The following NCBP3 variants were observed in gnomAD, a reference collection of about 807,000 sequenced individuals.
The protein encoded by NCBP3 is nuclear cap-binding protein subunit 3.
NCBP3 carries 20 observed loss-of-function variants against 75.7 expected under a neutral mutation model. The ratio of observed to expected loss-of-function variants is 0.26; its 90% CI spans 0.19 to 0.38. The LOEUF (loss-of-function observed/expected upper bound fraction) is 0.38, where lower values mean the gene tolerates loss of function less well. Among genes scored for constraint, NCBP3 ranks in the 10% least tolerant of loss-of-function variants. NCBP3 has a pLI of 1.00. For synonymous variants in NCBP3, 293 were observed against 290.5 expected, an observed-to-expected ratio of 1.01 and a Z score of -0.09; for missense variants, 678 against 796.9, an observed-to-expected ratio of 0.85 and a Z score of 1.80.
intron 7 of NCBP3, chr17:3,824,373 T>A (rs537034968): frequency 1.3e-5 from 2 of 150,354 alleles, no homozygotes; most frequent in East Asian, 1.9e-4. Context: ...CACATACACA[T>A]ACACACACAT....
intron 3 of NCBP3, 90 bp downstream of exon 3, chr17:3,840,010 C>T (rs576970443): frequency 1.2e-4 from 115 of 996,094 alleles, no homozygotes; most frequent in Middle Eastern, 2.1e-4. Context: ...GGAGTGGACA[C>T]GCAAGGCAAG....
chr17:3,814,312 T>C lies in NCBP3; in HGVS notation c.1627+10A>G. On this transcript the variant is annotated intron_variant, in intron 12 of 12. Coordinates refer to ENST00000389005, the MANE Select transcript of NCBP3 (RefSeq NM_001114118.3). ...AATCCCCATTCCCATCCGTTTTAAG[T>C]GTTACCAACCTGATTTCTTCTCCCG... The C allele has an allele frequency of 5.6e-6, 9 of 1,613,796 alleles. No individual in the cohort carries two copies. Among genetic ancestry groups the C allele is most frequent in the Non-Finnish European group, 7.6e-6 (9 of 1,179,872 alleles).
intron 7 of NCBP3, 171 bp from the exon 8 acceptor site, chr17:3,822,223 T>C (rs1273689482): frequency 3.5e-6 from 2 of 564,738 alleles, no homozygotes; most frequent in African/African-American, 1.9e-5. Flanking sequence ...AGCAATGCAG[T>C]GTAGAGGGGA....
chr17:3,832,411 A>G (rs1262319077), intron 3 of NCBP3, among the ~76,000 whole-genome samples: 1 of 119,158 alleles, frequency 8.4e-6, no homozygotes, highest in African/African-American at 2.6e-5. Context: ...GGGCGGGCAG[A>G]TCACAAGGTC....
chr17:3,816,527 C>T (rs963822547), intron 10 of NCBP3, among the ~76,000 whole-genome samples: 3 of 152,258 alleles, frequency 2.0e-5, no homozygotes, highest in Non-Finnish European at 1.5e-5. Context: ...CAGCATACAA[C>T]TACAAGTCCC....
Position 3,843,146 on chromosome 17 carries a change from C to A in NCBP3, c.189G>T (p.Thr63=). 1.3e-6 allele frequency: 2 copies of A among 1,551,402 alleles called. No homozygotes were observed. ...RRSLKELIPD[T]SRRYENKAGS... is the part of the protein sequence containing the mutation. The stretch of plus-strand genomic sequence containing the variant: ...CAGCCTTGTTTTCATATCTTCTGCT[C>A]GTGTCCTAACACAAAGGGGAAGGGT... The change falls in exon 2 of 13, where the codon ACG becomes ACT. Residue 63 remains threonine (T), a synonymous_variant. Transcript: ENST00000389005.
Position 3,810,874 on chromosome 17 carries a change from A to G in NCBP3, c.*2170T>C, listed in dbSNP as rs2053399474. The G allele has an allele frequency of 6.6e-6, 1 of 152,316 alleles. No homozygotes were observed. Among genetic ancestry groups the G allele is most frequent in the African/African-American group, 2.4e-5 (1 of 41,438 alleles). The allele number at this position is 152,316 out of a possible 1,614,324, so 9.4% of individuals were successfully genotyped here. A position where few individuals can be genotyped will look rare whatever the true frequency, so the allele number is the denominator to read the frequency against. On this transcript the variant is annotated 3_prime_UTR_variant, in exon 13 of 13. Coordinates refer to ENST00000389005, the MANE Select transcript of NCBP3 (RefSeq NM_001114118.3). ...ACTGCTGAGTGCTGAAAGGCCGTGG[A>G]ACAAATGGACCTGAGCTGCTGGTGT...
chr17:3,810,858 T>C lies in NCBP3; in HGVS notation c.*2186A>G, dbSNP rs542560245. 1 of 152,404 alleles carries C rather than the reference T, an allele frequency of 6.6e-6. No individual in the cohort carries two copies. Among genetic ancestry groups the C allele is most frequent in the Admixed American group, 6.5e-5 (1 of 15,298 alleles). The allele number at this position is 152,404 out of a possible 1,614,324, so 9.4% of individuals were successfully genotyped here. A position where few individuals can be genotyped will look rare whatever the true frequency, so the allele number is the denominator to read the frequency against. Reference sequence around the variant, plus strand: ...TGATCTGTAGCAGGAGACTGCTGAGTGCTGAAAGGCCGTGGAACAAATGGA... The same window carrying C: ...TGATCTGTAGCAGGAGACTGCTGAGCGCTGAAAGGCCGTGGAACAAATGGA... On this transcript the variant is annotated 3_prime_UTR_variant, in exon 13 of 13. Coordinates refer to ENST00000389005, the MANE Select transcript of NCBP3 (RefSeq NM_001114118.3).
chr17:3,807,062 C>G lies in NCBP3; in HGVS notation c.*5982G>C, dbSNP rs562702047. ...TCTAAAGCGTGTGTTAGCATCTCAC[C>G]GTAACTTAATGCTTCGAGTGAGAAG... On this transcript the variant is annotated 3_prime_UTR_variant, in exon 13 of 13. Coordinates refer to ENST00000389005, the MANE Select transcript of NCBP3 (RefSeq NM_001114118.3). The G allele has an allele frequency of 6.6e-6, 1 of 152,146 alleles. No homozygotes were observed. Among genetic ancestry groups the G allele is most frequent in the African/African-American group, 2.4e-5 (1 of 41,432 alleles). 9.4% of individuals were successfully genotyped at this position (152,146 alleles called of 1,614,324 possible). A position where few individuals can be genotyped will look rare whatever the true frequency, so the allele number is the denominator to read the frequency against.
At chr17:3,841,369 T>C (rs1199734866) in intron 2 of NCBP3, among the ~76,000 whole-genome samples, 2 of 152,206 alleles carry the variant, frequency 1.3e-5, no homozygotes, top group Non-Finnish European at 2.9e-5. Flanking sequence ...ACTTCTGTTC[T>C]TTCCCAATAG....
At chr17:3,834,974 G>C (rs1192355365) in intron 3 of NCBP3, among the ~76,000 whole-genome samples, 1 of 152,144 alleles carries the variant, frequency 6.6e-6, no homozygotes, top group Non-Finnish European at 1.5e-5. Flanking sequence ...GACAGTAAAA[G>C]GAACTGTGGG....
intron 11 of NCBP3, among the ~76,000 whole-genome samples, chr17:3,815,474 T>A (rs150239606): frequency 6.6e-6 from 1 of 152,212 alleles, no homozygotes; most frequent in Non-Finnish European, 1.5e-5. Context: ...TGTTTGAACA[T>A]AGAAATTATC....
rs2053399425 is a variant in NCBP3, at chr17:3,810,873, G to A, written c.*2171C>T. ...GACTGCTGAGTGCTGAAAGGCCGTG[G>A]AACAAATGGACCTGAGCTGCTGGTG... On this transcript the variant is annotated 3_prime_UTR_variant, in exon 13 of 13. Coordinates refer to ENST00000389005, the MANE Select transcript of NCBP3 (RefSeq NM_001114118.3). The A allele has an allele frequency of 6.6e-6, 1 of 152,312 alleles. No homozygotes were observed. Among genetic ancestry groups the A allele is most frequent in the African/African-American group, 2.4e-5 (1 of 41,438 alleles). 9.4% of individuals were successfully genotyped at this position (152,312 alleles called of 1,614,324 possible).
At chr17:3,842,338 T>A (rs913088988) in intron 2 of NCBP3, among the ~76,000 whole-genome samples, 9 of 152,064 alleles carry the variant, frequency 5.9e-5, no homozygotes, top group Admixed American at 2.0e-4. Flanking sequence ...GGCAGAAGAA[T>A]CGCTGGAACC....
rs1475193645 is a variant in NCBP3, at chr17:3,813,384, G to C, written c.1628-105C>G. 2.0e-5 allele frequency: 27 copies of C among 1,376,630 alleles called. No individual in the cohort carries two copies. In the East Asian group the frequency reaches 6.0e-4, roughly 30 times the overall value. The allele number at this position is 1,376,630 out of a possible 1,614,324, so 85.3% of individuals were successfully genotyped here. On this transcript the variant is annotated intron_variant, in intron 12 of 12. Coordinates refer to ENST00000389005, the MANE Select transcript of NCBP3 (RefSeq NM_001114118.3). ...AACACCTGCTGTGCAGGAAACGCCA[G>C]CAGTCTGTGGAGCCTGCCACCACAG...
At chr17:3,823,301 C>T (rs1328231434) in intron 7 of NCBP3, among the ~76,000 whole-genome samples, 3 of 152,020 alleles carry the variant, frequency 2.0e-5, no homozygotes, top group African/African-American at 4.8e-5. Flanking sequence ...GCCAAGATCG[C>T]GCCACTGCAC....
At chr17:3,817,966 T>TAC (rs61462832) in intron 10 of NCBP3, among the ~76,000 whole-genome samples, 9,026 of 148,962 alleles carry the variant, frequency 0.061, 744 homozygotes, top group African/African-American at 0.19. Flanking sequence ...CCCTGTGCCA[T>TAC]ACACACACAC....
chr17:3,842,957 T>C, intron 2 of NCBP3, 129 bp downstream of exon 2: 1 of 861,496 alleles, frequency 1.2e-6, no homozygotes. Flanking sequence ...AACACAATTT[T>C]TTTTAGAAAA....
Position 3,813,204 on chromosome 17 carries a change from G to C in NCBP3, c.1703C>G (p.Pro568Arg). ...KNTKKVDHRAPGAEEDDSELQ... is the reference protein window; with the variant it reads ...KNTKKVDHRARGAEEDDSELQ... ...CTCAGAGTCGTCTTCCTCAGCGCCA[G>C]GCGCCCTGTGATCCACTTTCTTCGT... The change falls in exon 13 of 13, where the codon CCT becomes CGT. Residue 568 changes from proline (P) to arginine (R), a missense_variant. Physicochemically the swap from Pro to Arg is moderately radical, Grantham distance 103. Around this residue, in one of 7 missense-constraint regions of NCBP3, gnomAD observed 365 missense variants for 392.7 expected, o/e 0.93. Transcript: ENST00000389005. The C allele has an allele frequency of 6.2e-7, 1 of 1,614,240 alleles. No individual in the cohort carries two copies. The highest frequency in any genetic ancestry group is 8.5e-7 in the Non-Finnish European group (1 of 1,180,048).
Sources: allele counts gnomAD v4.1 joint callset (sites outside exome capture counted in the v4.1 genomes callset), GRCh38; gene constraint gnomAD v4.1.1; regional missense constraint gnomAD v4.1.1; transcripts MANE v1.5; gene names NCBI Gene and HGNC (gene_info 2026-07-23, HGNC 2026-07-21).